Variants in SAMD12 observed in about 807,000 individuals in gnomAD.
SAMD12 encodes the protein sterile alpha motif domain containing 12.
SAMD12 carries 9 observed loss-of-function variants against 15.0 expected under a neutral mutation model. That is an observed-to-expected ratio of 0.60 (90% confidence interval 0.36 to 1.05). The LOEUF (loss-of-function observed/expected upper bound fraction) is 1.05. Among genes scored for constraint, SAMD12 ranks in the 50% least tolerant of loss-of-function variants. SAMD12 has a pLI of 0.01. For synonymous variants in SAMD12, 86 were observed against 90.1 expected (o/e 0.96, Z 0.25); for missense variants, 230 against 234.2 (o/e 0.98, Z 0.12).
At chr8:118,338,353 T>G (rs2514943) in intron 4 of SAMD12, among the ~76,000 whole-genome samples, 85,886 of 152,036 alleles carry the variant, frequency 0.56, 24,472 homozygotes, top group East Asian at 0.71. Flanking sequence ...ATAACCACTT[T>G]TTATTAATAG....
chr8:118,471,419 G>C (rs558710702), intron 2 of SAMD12, among the ~76,000 whole-genome samples: 1 of 152,306 alleles, frequency 6.6e-6, no homozygotes, highest in South Asian at 2.1e-4. Flanking sequence ...AAAAATTTTA[G>C]TTGTACCAAA....
intron 2 of SAMD12, among the ~76,000 whole-genome samples, chr8:118,478,322 A>G (rs1824024090): frequency 6.6e-6 from 1 of 152,156 alleles, no homozygotes; most frequent in Admixed American, 6.6e-5. Flanking sequence ...ACTAGAGGAG[A>G]GACCTGAATT....
chr8:118,440,706 A>G (rs1179496193), intron 2 of SAMD12, among the ~76,000 whole-genome samples: 1 of 151,720 alleles, frequency 6.6e-6, no homozygotes, highest in African/African-American at 2.4e-5. Flanking sequence ...AAACACACAC[A>G]CACACACACA....
chr8:118,472,088 C>G (rs536684544), intron 2 of SAMD12, among the ~76,000 whole-genome samples: 1 of 151,818 alleles, frequency 6.6e-6, no homozygotes, highest in Admixed American at 6.6e-5. Flanking sequence ...GAGATCGAGA[C>G]CATCCTGGCT....
chr8:118,520,016 A>G (rs1825346808), intron 2 of SAMD12, among the ~76,000 whole-genome samples: 1 of 152,226 alleles, frequency 6.6e-6, no homozygotes, highest in Non-Finnish European at 1.5e-5. Flanking sequence ...AATTGTCAGC[A>G]ACATGAAAGA....
the SAMD12 span, among the ~76,000 whole-genome samples, chr8:118,134,377 G>T: frequency 6.6e-6 from 1 of 152,194 alleles, no homozygotes; most frequent in Non-Finnish European, 1.5e-5. Flanking sequence ...AAAGTGGTCT[G>T]GTCTCCAATG....
Position 118,552,882 on chromosome 8 carries a change from C to G in SAMD12, c.192+27833G>C, listed in dbSNP as rs533118832. 2.1e-3 allele frequency among the ~76,000 whole-genome samples: 311 copies of G among 151,672 alleles called. 2 individuals are homozygous for G. Among genetic ancestry groups the G allele is most frequent in the African/African-American group, 7.0e-3 (291 of 41,370 alleles). On this transcript the variant is annotated intron_variant, in intron 2 of 3. Transcript: ENST00000314727. ...AAAAATCACAAGCATTCTTATACACCAATAACAGACAAACAGAGAGCCAAA... is the reference window on the plus strand; with the variant it reads ...AAAAATCACAAGCATTCTTATACACGAATAACAGACAAACAGAGAGCCAAA...
chr8:118,214,799 A>G (rs1246823945), intron 4 of SAMD12, among the ~76,000 whole-genome samples: 1 of 152,204 alleles, frequency 6.6e-6, no homozygotes, highest in Non-Finnish European at 1.5e-5. Flanking sequence ...CTGATGACAA[A>G]GCTCTTGTTT....
chr8:118,387,956 T>C (rs532977548), intron 3 of SAMD12, among the ~76,000 whole-genome samples: 72 of 152,258 alleles, frequency 4.7e-4, no homozygotes, highest in African/African-American at 1.7e-3. Context: ...ATGTGTACCA[T>C]GGACTGAACC....
intron 3 of SAMD12, among the ~76,000 whole-genome samples, chr8:118,416,749 T>C (rs182372573): frequency 3.3e-4 from 51 of 152,350 alleles, no homozygotes; most frequent in African/African-American, 1.1e-3. Flanking sequence ...AGTATTTTCA[T>C]CCAACTCTCT....
chr8:118,444,334 G>A (rs1419231767), intron 2 of SAMD12, among the ~76,000 whole-genome samples: 1 of 152,134 alleles, frequency 6.6e-6, no homozygotes, highest in Non-Finnish European at 1.5e-5. Flanking sequence ...AGAGGCCCGA[G>A]GCAGTTTGTT....
the SAMD12 span, among the ~76,000 whole-genome samples, chr8:118,137,771 A>T: frequency 1.3e-5 from 2 of 152,218 alleles, no homozygotes; most frequent in Non-Finnish European, 2.9e-5. Context: ...AAAGAAAAAA[A>T]ATCATCACAA....
chr8:118,361,291 C>T (rs926461884), intron 4 of SAMD12, among the ~76,000 whole-genome samples: 3 of 152,172 alleles, frequency 2.0e-5, no homozygotes, highest in Non-Finnish European at 4.4e-5. Context: ...TTGCCAAGTA[C>T]CTACTATGAG....
chr8:118,480,667 A>C (rs1224321237), intron 2 of SAMD12, among the ~76,000 whole-genome samples: 1 of 152,166 alleles, frequency 6.6e-6, no homozygotes, highest in Non-Finnish European at 1.5e-5. Context: ...GAACAACCAG[A>C]ATGATTTTAA....
At chr8:118,594,736 G>A (rs568320935) in intron 1 of SAMD12, among the ~76,000 whole-genome samples, 75 of 152,164 alleles carry the variant, frequency 4.9e-4, no homozygotes, top group African/African-American at 1.7e-3. Flanking sequence ...CTAAGCAGGT[G>A]GAAAGCCAAT....
At chr8:118,359,851 G>T (rs1297237313) in intron 4 of SAMD12, among the ~76,000 whole-genome samples, 1 of 152,202 alleles carries the variant, frequency 6.6e-6, no homozygotes, top group East Asian at 1.9e-4. Context: ...GGCCTCATGT[G>T]TGGCTAAGTA....
chr8:118,220,174 C>T (rs1041115694), intron 4 of SAMD12, among the ~76,000 whole-genome samples: 1 of 152,208 alleles, frequency 6.6e-6, no homozygotes, highest in Non-Finnish European at 1.5e-5. Flanking sequence ...GAATCAGTAT[C>T]TCTCGGCACA....
intron 2 of SAMD12, among the ~76,000 whole-genome samples, chr8:118,450,337 C>T (rs1823041749): frequency 6.6e-6 from 1 of 152,180 alleles, no homozygotes; most frequent in African/African-American, 2.4e-5. Flanking sequence ...CCTATCAGCC[C>T]AGAATGCACA....
In SAMD12 at chr8:118,378,431, G is replaced by C. The variant is rs1298057693; in HGVS notation, c.*986C>G. 1 of 980,752 alleles carries C rather than the reference G, an allele frequency of 1.0e-6. No homozygotes were observed. The highest frequency in any genetic ancestry group is 1.8e-5 in the African/African-American group (1 of 57,066). 60.8% of individuals were successfully genotyped at this position (980,752 alleles called of 1,614,324 possible). On this transcript the variant is annotated 3_prime_UTR_variant, in exon 4 of 4. Transcript: ENST00000314727. ...TAAATTCACCATTGGAAATCTCTGA[G>C]GACAAAATGCAAATAATGCATATGA...
Sources: gnomAD v4.1 joint callset for allele counts (sites outside exome capture counted in the v4.1 genomes callset) on GRCh38, gnomAD v4.1.1 for gene constraint, MANE v1.5 for transcripts, NCBI Gene and HGNC (gene_info 2026-07-23, HGNC 2026-07-21) for gene names.